COL4A1: variants seen among roughly 807,000 people sequenced by gnomAD.
The protein encoded by COL4A1 is collagen alpha-1(IV) chain.
COL4A1 carries 40 observed loss-of-function variants against 216.6 expected under a neutral mutation model. The observed-to-expected ratio is 0.18, with a 90% CI of 0.14 to 0.24. The LOEUF (loss-of-function observed/expected upper bound fraction) is 0.24, where lower values mean the gene tolerates loss of function less well. COL4A1 is among the 10% of genes least tolerant of loss of function. The pLI, the probability that COL4A1 is intolerant of heterozygous loss-of-function variation, is 1.00. For synonymous variants in COL4A1, 839 were observed against 810.7 expected, an observed-to-expected ratio of 1.03 and a Z score of -0.59; for missense variants, 1,628 against 2,196.8, an observed-to-expected ratio of 0.74 and a Z score of 5.18.
chr13:110,161,122 CAT>C, intron 49 of COL4A1, 68 bp downstream of exon 49: 1 of 1,505,084 alleles, frequency 6.6e-7, no homozygotes, highest in East Asian at 2.3e-5. Context: ...AAATAGAAAA[CAT>C]ATGCTTGTCC....
intron 2 of COL4A1, among the ~76,000 whole-genome samples, chr13:110,216,310 C>T (rs1880083971): frequency 6.6e-6 from 1 of 152,202 alleles, no homozygotes; most frequent in Non-Finnish European, 1.5e-5. Context: ...GCAGAAAATC[C>T]TGCTGTAAGG....
intron 2 of COL4A1, among the ~76,000 whole-genome samples, chr13:110,225,610 T>C (rs1880701931): frequency 6.6e-6 from 1 of 151,998 alleles, no homozygotes; most frequent in African/African-American, 2.4e-5. Context: ...TAAACAAAAA[T>C]AAAATATTTT....
chr13:110,191,797 G>T, intron 24 of COL4A1: 2 of 596,032 alleles, frequency 3.4e-6, no homozygotes. Context: ...CCAGCTTTTA[G>T]ATGATCTGAT....
chr13:110,235,422 G>A (rs1308428331), intron 2 of COL4A1, among the ~76,000 whole-genome samples: 7 of 152,086 alleles, frequency 4.6e-5, no homozygotes, highest in South Asian at 2.1e-4. Context: ...AGGCTGAGGC[G>A]GGCGGATCAC....
chr13:110,239,100 ACT>A (rs2139241415), intron 2 of COL4A1, among the ~76,000 whole-genome samples: 1 of 152,112 alleles, frequency 6.6e-6, no homozygotes, highest in Non-Finnish European at 1.5e-5. Flanking sequence ...CTCAGCAAAG[ACT>A]CTCTGAAATC....
chr13:110,277,724 G>A (rs1379669907), intron 1 of COL4A1, among the ~76,000 whole-genome samples: 1 of 152,178 alleles, frequency 6.6e-6, no homozygotes, highest in Non-Finnish European at 1.5e-5. Context: ...TTCACTCTGG[G>A]TGACTCAGGC....
chr13:110,243,178 C>A (rs1187030875), intron 1 of COL4A1, among the ~76,000 whole-genome samples: 2 of 143,298 alleles, frequency 1.4e-5, no homozygotes, highest in African/African-American at 5.5e-5. Context: ...GACACACGGC[C>A]GCGCAAAAAA....
intron 1 of COL4A1, among the ~76,000 whole-genome samples, chr13:110,270,004 G>A (rs1322609789): frequency 6.6e-6 from 1 of 152,016 alleles, no homozygotes; most frequent in South Asian, 2.1e-4. Flanking sequence ...ATCTGGTAAC[G>A]GACTAGAGCG....
At chr13:110,193,670 G>A (rs1013296043) in intron 22 of COL4A1, among the ~76,000 whole-genome samples, 4 of 152,366 alleles carry the variant, frequency 2.6e-5, no homozygotes, top group African/African-American at 9.6e-5. Context: ...GCTGGCAGCC[G>A]CACACGGGCA....
intron 50 of COL4A1, among the ~76,000 whole-genome samples, chr13:110,153,744 AC>A (rs1301793056): frequency 7.9e-5 from 12 of 152,186 alleles, no homozygotes; most frequent in Non-Finnish European, 1.5e-5. Context: ...AGTACAATCA[AC>A]CCAGCAAATC....
At chr13:110,181,524 G>A (rs969270473) in intron 28 of COL4A1, 135 bp from the exon 29 acceptor site, 20 of 932,408 alleles carry the variant, frequency 2.1e-5, no homozygotes, top group South Asian at 4.3e-5. Context: ...GAGGCCTTCC[G>A]AGGTGGCTGG....
chr13:110,153,775 C>T (rs982451423), intron 50 of COL4A1, among the ~76,000 whole-genome samples: 1 of 152,180 alleles, frequency 6.6e-6, no homozygotes, highest in African/African-American at 2.4e-5. Context: ...AACTTGTACA[C>T]GTGCACGAAC....
chr13:110,266,563 C>T (rs188637106), intron 1 of COL4A1, among the ~76,000 whole-genome samples: 11 of 152,122 alleles, frequency 7.2e-5, no homozygotes, highest in Admixed American at 3.3e-4. Context: ...CAGTATACGT[C>T]GCGGAGACCA....
chr13:110,161,366 G>A lies in COL4A1; in HGVS notation c.4466C>T (p.Thr1489Met), dbSNP rs1356255427. 9 of 1,609,904 alleles carry A rather than the reference G, an allele frequency of 5.6e-6. No individual in the cohort carries two copies. The highest frequency in any genetic ancestry group is 2.2e-5 in the East Asian group (1 of 44,808). ...GAACTTGCGCAGGCAGCTGCCGGCC[G>A]TGCCTAGACAAGGAAGAAGACAATG... ...NERAHGQDLG[T>M]AGSCLRKFST... The change falls in exon 49 of 52, where the codon ACG (threonine) becomes ATG (methionine). Residue 1489 changes from threonine to methionine, a missense_variant. Thr to Met is a moderately conservative substitution (Grantham distance 81). Around this residue, in one of 8 missense-constraint regions of COL4A1, gnomAD observed 254 missense variants for 300.1 expected, o/e 0.85. Transcript: ENST00000375820.
Position 110,211,922 on chromosome 13 carries a change from C to A in COL4A1, c.388G>T (p.Gly130Trp). ...GGAGGCCCGAGCGGCCCTCTCTCCCCCTGGGGAGACAGCAGAGCATCATTC... is the reference window on the plus strand; with the variant it reads ...GGAGGCCCGAGCGGCCCTCTCTCCCACTGGGGAGACAGCAGAGCATCATTC... ...PGIPGCNGTK[G>W]ERGPLGPPGL... is the part of the protein sequence containing the mutation. Residue 130 changes from glycine to tryptophan, a missense_variant and splice_region_variant, in exon 7 of 52, where the codon GGG (glycine) becomes TGG (tryptophan). Coordinates refer to ENST00000375820, the MANE Select transcript of COL4A1 (RefSeq NM_001845.6). This position sits in a 1 kb window ranked among gnomAD's most constrained non-coding sequence, Gnocchi z 4.3. The A allele has an allele frequency of 1.2e-6, 2 of 1,614,140 alleles. No homozygotes were observed. Among genetic ancestry groups the A allele is most frequent in the South Asian group, 1.1e-5 (1 of 91,078 alleles).
Position 110,179,278 on chromosome 13 carries a change from C to G in COL4A1, c.2337G>C (p.Gly779=), listed in dbSNP as rs765435202. ...HGAIGPPGLQ[G]IRGEPGPPGL... is the part of the protein sequence containing the mutation. The stretch of plus-strand genomic sequence containing the variant: ...TGATCTGCATGAAGTTACCTCTGAT[C>G]CCCTGAAGCCCAGGGGGTCCGATCG... The change falls in exon 30 of 52, where the codon GGG becomes GGC. Residue 779 remains glycine (G), a synonymous_variant. Coordinates refer to ENST00000375820, the MANE Select transcript of COL4A1 (RefSeq NM_001845.6). 1.2e-6 allele frequency: 2 copies of G among 1,614,066 alleles called. No individual in the cohort carries two copies. Among genetic ancestry groups the G allele is most frequent in the Non-Finnish European group, 1.7e-6 (2 of 1,180,008 alleles).
intron 50 of COL4A1, among the ~76,000 whole-genome samples, chr13:110,153,726 G>A (rs1377665594): frequency 2.0e-5 from 3 of 152,214 alleles, no homozygotes; most frequent in Non-Finnish European, 4.4e-5. Context: ...CATGAAGAGT[G>A]TAGCTGCAGT....
rs115435405 is a variant in COL4A1, at chr13:110,191,647, C to G, written c.1536+567G>C. On this transcript the variant is annotated intron_variant, in intron 24 of 51. Coordinates refer to ENST00000375820, the MANE Select transcript of COL4A1 (RefSeq NM_001845.6). Reference sequence around the variant, plus strand: ...TATTTCATTTATGGATTTGAAAAAGCAACTGCACAATAGATGTTGTAACAG... The same window carrying G: ...TATTTCATTTATGGATTTGAAAAAGGAACTGCACAATAGATGTTGTAACAG... The G allele has an allele frequency of 1.8e-3, 1,234 of 686,344 alleles. 11 individuals carry two copies. In the African/African-American group the frequency reaches 0.019, roughly 11 times the overall value. The allele number at this position is 686,344 out of a possible 1,614,324, so 42.5% of individuals were successfully genotyped here.
chr13:110,281,474 A>C (rs1883630744), intron 1 of COL4A1, among the ~76,000 whole-genome samples: 1 of 152,234 alleles, frequency 6.6e-6, no homozygotes, highest in Non-Finnish European at 1.5e-5. Context: ...CACAAACTGC[A>C]GTGAAGGGAA....
Sources: gnomAD v4.1 joint callset for allele counts (sites outside exome capture counted in the v4.1 genomes callset) on GRCh38, gnomAD v4.1.1 for gene constraint, gnomAD v4.1.1 regional missense constraint, Gnocchi (gnomAD v3.1) non-coding constraint, MANE v1.5 for transcripts, NCBI Gene and HGNC (gene_info 2026-07-23, HGNC 2026-07-21) for gene names.